The following ATP2B2 variants were observed in gnomAD, a reference collection of about 807,000 sequenced individuals.
The protein encoded by ATP2B2 is ATPase plasma membrane Ca2+ transporting 2.
A neutral mutation model predicts 120.0 loss-of-function variants in ATP2B2; 15 were observed. The ratio of observed to expected loss-of-function variants is 0.12; its 90% confidence interval spans 0.08 to 0.19. The LOEUF is 0.19. Among genes scored for constraint, ATP2B2 ranks in the 10% least tolerant of loss-of-function variants. The pLI, the probability that ATP2B2 is intolerant of heterozygous loss-of-function variation, is 1.00. For synonymous variants in ATP2B2, 694 were observed against 700.3 expected (o/e 0.99, Z 0.14); for missense variants, 1,045 against 1,719.8 (o/e 0.61, Z 6.94).
At chr3:10,475,937 C>T (rs766631918) in intron 1 of ATP2B2, among the ~76,000 whole-genome samples, 5 of 152,134 alleles carry the variant, frequency 3.3e-5, no homozygotes, top group Non-Finnish European at 1.5e-5. Context: ...TCAGGGTCTT[C>T]GACCACTACT....
chr3:10,690,408 G>GA (rs534171667), intron 1 of ATP2B2, among the ~76,000 whole-genome samples: 30 of 151,294 alleles, frequency 2.0e-4, no homozygotes, highest in Non-Finnish European at 3.5e-4. Context: ...CTAACATATA[G>GA]AAAAAAACAG....
chr3:10,370,266 C>A (rs766946615), intron 12 of ATP2B2, among the ~76,000 whole-genome samples: 11 of 152,252 alleles, frequency 7.2e-5, no homozygotes, highest in Non-Finnish European at 1.2e-4. Flanking sequence ...TCCAAGCCCA[C>A]CCCACAGGGC....
chr3:10,499,537 G>A (rs1352785715), intron 1 of ATP2B2, among the ~76,000 whole-genome samples: 2 of 152,178 alleles, frequency 1.3e-5, no homozygotes, highest in African/African-American at 2.4e-5. Context: ...TGAACATTTC[G>A]GTACTTGGCA....
chr3:10,589,329 T>A (rs1559473897), intron 2 of ATP2B2, among the ~76,000 whole-genome samples: 1 of 152,152 alleles, frequency 6.6e-6, no homozygotes, highest in Non-Finnish European at 1.5e-5. Flanking sequence ...AGTAAACTTT[T>A]GTTGAGTGTT....
chr3:10,434,526 A>G (rs1575212907), intron 2 of ATP2B2, among the ~76,000 whole-genome samples: 1 of 152,258 alleles, frequency 6.6e-6, no homozygotes, highest in South Asian at 2.1e-4. Context: ...CTTGTAATAC[A>G]TTATTCTCAT....
intron 11 of ATP2B2, among the ~76,000 whole-genome samples, chr3:10,372,328 A>C (rs143457116): frequency 6.6e-6 from 1 of 152,210 alleles, no homozygotes; most frequent in Non-Finnish European, 1.5e-5. Context: ...AGTAATCTAC[A>C]TTCTTTACGG....
intron 1 of ATP2B2, among the ~76,000 whole-genome samples, chr3:10,639,582 T>C (rs982747489): frequency 2.6e-5 from 4 of 152,198 alleles, no homozygotes; most frequent in African/African-American, 7.2e-5. Flanking sequence ...TACCAGAACC[T>C]TGATGGATGG....
intron 1 of ATP2B2, among the ~76,000 whole-genome samples, chr3:10,503,704 C>T (rs1410561981): frequency 6.6e-6 from 1 of 152,268 alleles, no homozygotes; most frequent in Non-Finnish European, 1.5e-5. Flanking sequence ...ATGCCATGTG[C>T]CTGCCAATGC....
At chr3:10,465,041 C>A (rs13323119) in intron 1 of ATP2B2, among the ~76,000 whole-genome samples, 10,226 of 152,266 alleles carry the variant, frequency 0.067, 1,138 homozygotes, top group African/African-American at 0.23. Context: ...CTTCTCCAAT[C>A]TTGGGCTGCT....
chr3:10,630,229 AT>A (rs1330234091), intron 1 of ATP2B2, among the ~76,000 whole-genome samples: 1 of 152,176 alleles, frequency 6.6e-6, no homozygotes, highest in Non-Finnish European at 1.5e-5. Context: ...GACTTGTGCC[AT>A]GGGGGTTTGT....
intron 1 of ATP2B2, among the ~76,000 whole-genome samples, chr3:10,668,666 C>T (rs938153262): frequency 6.6e-6 from 1 of 152,076 alleles, no homozygotes; most frequent in Admixed American, 6.6e-5. Context: ...ACCCCTTCTG[C>T]ACTTCAAACT....
intron 1 of ATP2B2, chr3:10,626,871 C>G (rs903555179): frequency 0.01 from 9 of 860 alleles, no homozygotes; most frequent in African/African-American, 0.018. Flanking sequence ...GTGAGACACA[C>G]ACACACACAC....
chr3:10,351,304 A>G (rs2060572854), intron 14 of ATP2B2, among the ~76,000 whole-genome samples: 1 of 147,118 alleles, frequency 6.8e-6, no homozygotes, highest in African/African-American at 2.5e-5. Flanking sequence ...CGAGGAAACC[A>G]GCCTGGAGCT....
chr3:10,544,676 A>G (rs986485256), intron 2 of ATP2B2, among the ~76,000 whole-genome samples: 2 of 152,206 alleles, frequency 1.3e-5, no homozygotes, highest in African/African-American at 2.4e-5. Context: ...GAAGGGGTGC[A>G]CAGAAGAGGG....
At chr3:10,669,001 C>T (rs575777400) in intron 1 of ATP2B2, among the ~76,000 whole-genome samples, 3 of 152,342 alleles carry the variant, frequency 2.0e-5, no homozygotes, top group African/African-American at 4.8e-5. Flanking sequence ...ACGTGGCTTG[C>T]AAATGGTAGA....
chr3:10,399,474 T>C (rs2062149573), intron 5 of ATP2B2, among the ~76,000 whole-genome samples: 1 of 152,250 alleles, frequency 6.6e-6, no homozygotes, highest in African/African-American at 2.4e-5. Context: ...CTCACTACAA[T>C]GGTGGAACAT....
intron 2 of ATP2B2, among the ~76,000 whole-genome samples, chr3:10,607,914 C>A (rs905354723): frequency 6.6e-5 from 10 of 152,134 alleles, no homozygotes; most frequent in African/African-American, 2.4e-4. Context: ...CCCAGTGTGA[C>A]CAGATTTGAC....
At chr3:10,574,834 C>T (rs529332987) in intron 2 of ATP2B2, among the ~76,000 whole-genome samples, 25 of 151,932 alleles carry the variant, frequency 1.6e-4, no homozygotes, top group Admixed American at 1.3e-3. Context: ...GGAGACTGCA[C>T]GGTAGGGGAA....
At chr3:10,486,320 C>T (rs867287824) in intron 1 of ATP2B2, among the ~76,000 whole-genome samples, 2,694 of 115,862 alleles carry the variant, frequency 0.023, 25 homozygotes, top group Middle Eastern at 0.047. Context: ...GGTGTGTGTG[C>T]GTGCGTGTGT....
Sources: gnomAD v4.1 joint callset for allele counts (sites outside exome capture counted in the v4.1 genomes callset) on GRCh38, gnomAD v4.1.1 for gene constraint, MANE v1.5 for transcripts, NCBI Gene and HGNC (gene_info 2026-07-23, HGNC 2026-07-21) for gene names.